Variants in KIAA1328 observed in about 807,000 individuals in gnomAD.
KIAA1328 encodes protein hinderin.
In KIAA1328, 52 loss-of-function variants were observed where a neutral mutation model predicts 68.1. The observed-to-expected ratio is 0.76, with a 90% confidence interval of 0.61 to 0.96. KIAA1328 has a LOEUF of 0.96. KIAA1328 is among the 40% of genes least tolerant of loss of function. The pLI is 0.00. For missense variants in KIAA1328, 641 were observed against 677.6 expected (o/e 0.95, Z 0.60); for synonymous variants, 232 against 239.4 (o/e 0.97, Z 0.28).
At chr18:37,032,179 C>T (rs889768088) in intron 6 of KIAA1328, among the ~76,000 whole-genome samples, 19 of 152,008 alleles carry the variant, frequency 1.2e-4, no homozygotes, top group African/African-American at 4.6e-4. Flanking sequence ...GACCCTGTCT[C>T]AAAAACAAAA....
chr18:36,983,588 T>C (rs923166612), intron 6 of KIAA1328, among the ~76,000 whole-genome samples: 1 of 152,036 alleles, frequency 6.6e-6, no homozygotes, highest in African/African-American at 2.4e-5. Flanking sequence ...AAAAAAAGGA[T>C]AACCTAGTTT....
intron 9 of KIAA1328, among the ~76,000 whole-genome samples, chr18:37,189,921 T>G (rs2059874091): frequency 6.6e-6 from 1 of 152,240 alleles, no homozygotes; most frequent in East Asian, 1.9e-4. Context: ...ATCCACTGTA[T>G]ATACCACTGT....
chr18:37,167,344 CG>C lies in KIAA1328; in HGVS notation c.1415-5626del, dbSNP rs1568488211. Among the ~76,000 whole-genome samples, 4 of 152,260 alleles carry C rather than the reference CG, an allele frequency of 2.6e-5. No homozygotes were observed. The South Asian group carries it at 8.3e-4, about 32-fold the overall frequency. The stretch of plus-strand genomic sequence containing the variant: ...CAAGGACAGAGGGCTTTCTGTATCC[CG>C]GGTTCTTGCCTTAGTGTACTGGAAA... On this transcript the variant is annotated intron_variant, in intron 8 of 9. Coordinates refer to ENST00000280020, the MANE Select transcript of KIAA1328 (RefSeq NM_020776.3).
At chr18:36,942,071 T>C (rs967466743) in intron 5 of KIAA1328, among the ~76,000 whole-genome samples, 1 of 152,198 alleles carries the variant, frequency 6.6e-6, no homozygotes, top group African/African-American at 2.4e-5. Context: ...GGGTTGCAGC[T>C]TCTGAGTTAT....
intron 6 of KIAA1328, among the ~76,000 whole-genome samples, chr18:37,003,720 A>G (rs9951761): frequency 0.9 from 136,247 of 152,128 alleles, 62,979 homozygotes; most frequent in East Asian, 1. Flanking sequence ...ATAATTTCAG[A>G]TCTTATATTT....
At chr18:37,229,867 CAG>C (rs2060656918), downstream of KIAA1328, 1 of 139,164 alleles carries the variant, frequency 7.2e-6, no homozygotes, top group Non-Finnish European at 1.5e-5. Context: ...GCCTGGGTGA[CAG>C]AGCAAGACTC....
intron 5 of KIAA1328, chr18:36,902,210 C>G (rs926905824): frequency 1.3e-5 from 2 of 151,662 alleles, no homozygotes; most frequent in African/African-American, 4.8e-5. Flanking sequence ...ATATTTTCAT[C>G]TCTTTATAAA....
intron 6 of KIAA1328, among the ~76,000 whole-genome samples, chr18:36,994,506 G>A (rs889165608): frequency 1.3e-5 from 2 of 152,084 alleles, no homozygotes; most frequent in Non-Finnish European, 2.9e-5. Context: ...CCCTAGGTGA[G>A]AACCACTCAT....
chr18:36,913,711 C>T (rs1488052556), intron 5 of KIAA1328, among the ~76,000 whole-genome samples: 1 of 152,138 alleles, frequency 6.6e-6, no homozygotes, highest in African/African-American at 2.4e-5. Flanking sequence ...TCCTTTACCT[C>T]TGTGAATATG....
intron 6 of KIAA1328, among the ~76,000 whole-genome samples, chr18:37,022,521 G>A (rs2054387176): frequency 6.6e-6 from 1 of 152,150 alleles, no homozygotes. Context: ...TGGTGTGACA[G>A]CAAAGTTCCC....
At chr18:36,891,305 AATT>A (rs2048677900) in intron 5 of KIAA1328, among the ~76,000 whole-genome samples, 1 of 152,188 alleles carries the variant, frequency 6.6e-6, no homozygotes, top group African/African-American at 2.4e-5. Flanking sequence ...AAATTGTTTT[AATT>A]ATTTTATTTC....
chr18:37,182,966 T>G (rs2059726390), intron 9 of KIAA1328, among the ~76,000 whole-genome samples: 1 of 152,162 alleles, frequency 6.6e-6, no homozygotes, highest in East Asian at 1.9e-4. Context: ...CCAAATGCCC[T>G]GAGTGACAGT....
At chr18:37,200,954 T>G (rs189701304) in intron 9 of KIAA1328, among the ~76,000 whole-genome samples, 2 of 152,264 alleles carry the variant, frequency 1.3e-5, no homozygotes, top group African/African-American at 4.8e-5. Context: ...TGTCAAAATA[T>G]TAGTATCAAG....
intron 7 of KIAA1328, among the ~76,000 whole-genome samples, chr18:37,073,041 A>C (rs974394691): frequency 9.9e-5 from 15 of 152,166 alleles, no homozygotes; most frequent in African/African-American, 3.6e-4. Context: ...CTTAATGTAA[A>C]ACCCAAAACC....
chr18:37,055,000 TTATTG>T (rs1271136949), intron 6 of KIAA1328, among the ~76,000 whole-genome samples: 18 of 152,296 alleles, frequency 1.2e-4, no homozygotes, highest in Non-Finnish European at 2.2e-4. Flanking sequence ...AATTCCATAA[TTATTG>T]ACTTTAATGT....
chr18:36,857,275 A>G (rs888053395), intron 4 of KIAA1328, among the ~76,000 whole-genome samples: 1 of 152,094 alleles, frequency 6.6e-6, no homozygotes, highest in African/African-American at 2.4e-5. Flanking sequence ...TCTCTTTCCT[A>G]AACTTTTTAG....
At chr18:36,959,552 GCC>G in intron 6 of KIAA1328, 117 bp downstream of exon 6, 1 of 1,100,246 alleles carries the variant, frequency 9.1e-7, no homozygotes, top group Non-Finnish European at 1.3e-6. Flanking sequence ...AAAACATGTA[GCC>G]ACTGCGTGTG....
At chr18:37,115,090 G>A (rs929963031) in intron 7 of KIAA1328, among the ~76,000 whole-genome samples, 1 of 152,176 alleles carries the variant, frequency 6.6e-6, no homozygotes, top group Non-Finnish European at 1.5e-5. Flanking sequence ...GAGGTACAAA[G>A]TGGAGCTGGT....
chr18:37,203,507 A>G (rs1599585815), intron 9 of KIAA1328, among the ~76,000 whole-genome samples: 2 of 152,254 alleles, frequency 1.3e-5, no homozygotes, highest in East Asian at 3.9e-4. Context: ...GAATGTTTCT[A>G]TTTTTTAGTA....
Sources: allele counts gnomAD v4.1 joint callset (sites outside exome capture counted in the v4.1 genomes callset), GRCh38; gene constraint gnomAD v4.1.1; transcripts MANE v1.5; gene names NCBI Gene and HGNC (gene_info 2026-07-23, HGNC 2026-07-21).